The following KIF16B variants were observed in gnomAD, a reference collection of about 807,000 sequenced individuals.
KIF16B encodes the protein kinesin family member 16B.
KIF16B carries 98 observed loss-of-function variants against 156.3 expected under a neutral mutation model. That is an observed-to-expected ratio of 0.63 (90% confidence interval 0.53 to 0.74). The LOEUF is 0.74. KIF16B is among the 30% of genes least tolerant of loss of function. The pLI, the probability that KIF16B is intolerant of heterozygous loss-of-function variation, is 0.00. For synonymous variants in KIF16B, 564 were observed against 583.7 expected (o/e 0.97, Z 0.49); for missense variants, 1,421 against 1,606.5 (o/e 0.88, Z 1.97).
chr20:16,367,954 T>G, intron 22 of KIF16B: 3 of 1,442,578 alleles, frequency 2.1e-6, no homozygotes, highest in Non-Finnish European at 2.7e-6. Context: ...AGGTAGAGCA[T>G]GAAAAATGCT....
At chr20:16,315,364 A>C (rs1018468321) in intron 24 of KIF16B, among the ~76,000 whole-genome samples, 12 of 152,182 alleles carry the variant, frequency 7.9e-5, no homozygotes, top group Non-Finnish European at 1.8e-4. Flanking sequence ...AGAGTTGAAG[A>C]CACCCAAGCC....
intron 1 of KIF16B, among the ~76,000 whole-genome samples, chr20:16,536,730 C>T (rs1300184844): frequency 6.6e-6 from 1 of 152,148 alleles, no homozygotes; most frequent in Non-Finnish European, 1.5e-5. Flanking sequence ...AACTGTCAAA[C>T]TTCCAAATAT....
chr20:16,275,383 T>C (rs945529506), intron 25 of KIF16B, among the ~76,000 whole-genome samples: 123 of 152,326 alleles, frequency 8.1e-4, no homozygotes, highest in African/African-American at 2.6e-3. Flanking sequence ...TTTAAATGTA[T>C]AACTTCATGA....
intron 15 of KIF16B, among the ~76,000 whole-genome samples, chr20:16,416,600 C>T (rs918150374): frequency 2.6e-5 from 4 of 151,858 alleles, no homozygotes; most frequent in African/African-American, 9.7e-5. Context: ...CGGAGACCAT[C>T]AGGAAAAATA....
chr20:16,414,017 G>A (rs1237519886), intron 15 of KIF16B, among the ~76,000 whole-genome samples: 2 of 151,940 alleles, frequency 1.3e-5, no homozygotes, highest in Non-Finnish European at 2.9e-5. Context: ...AATAAGTTAT[G>A]ATGATGATAC....
At chr20:16,418,234 G>A (rs6080252) in intron 15 of KIF16B, among the ~76,000 whole-genome samples, 14,453 of 152,108 alleles carry the variant, frequency 0.095, 888 homozygotes, top group East Asian at 0.37. Context: ...CCAGAAGTCT[G>A]GTGCACCAAG....
At chr20:16,539,084 C>A (rs73101078) in intron 1 of KIF16B, among the ~76,000 whole-genome samples, 10,953 of 151,910 alleles carry the variant, frequency 0.072, 520 homozygotes, top group South Asian at 0.16. Context: ...TATAAATTAC[C>A]CAATCTTAGG....
intron 12 of KIF16B, among the ~76,000 whole-genome samples, chr20:16,439,606 A>G (rs1180574470): frequency 6.6e-6 from 1 of 152,148 alleles, no homozygotes; most frequent in Non-Finnish European, 1.5e-5. Context: ...AAAGACACCA[A>G]TGAGTGAGAT....
chr20:16,444,494 C>T (rs2066882293), intron 12 of KIF16B, among the ~76,000 whole-genome samples: 1 of 152,164 alleles, frequency 6.6e-6, no homozygotes, highest in Non-Finnish European at 1.5e-5. Flanking sequence ...TTACAAATTG[C>T]CTGCTGCTTT....
chr20:16,310,874 C>T (rs1288878861), intron 25 of KIF16B, among the ~76,000 whole-genome samples: 1 of 152,198 alleles, frequency 6.6e-6, no homozygotes, highest in East Asian at 1.9e-4. Flanking sequence ...CGAAACTCCT[C>T]TTTTCTCAGA....
chr20:16,413,732 C>A (rs994444347), intron 15 of KIF16B, among the ~76,000 whole-genome samples: 2 of 149,630 alleles, frequency 1.3e-5, no homozygotes, highest in African/African-American at 4.9e-5. Flanking sequence ...AACATACCCC[C>A]CGCCCTCCAC....
chr20:16,503,292 C>T (rs1356821162), intron 10 of KIF16B, among the ~76,000 whole-genome samples: 2 of 152,172 alleles, frequency 1.3e-5, no homozygotes, highest in Admixed American at 6.5e-5. Flanking sequence ...ATAAGGGCCT[C>T]ATCACGTGGA....
intron 17 of KIF16B, 152 bp downstream of exon 17, chr20:16,404,661 G>A (rs749070616): frequency 1.3e-5 from 8 of 621,470 alleles, no homozygotes; most frequent in Non-Finnish European, 2.3e-5. Context: ...TATATAGTAA[G>A]GGCTGGAAAG....
At chr20:16,276,490 A>C (rs965504357) in intron 25 of KIF16B, among the ~76,000 whole-genome samples, 2 of 152,200 alleles carry the variant, frequency 1.3e-5, no homozygotes, top group African/African-American at 2.4e-5. Flanking sequence ...CGCAAAACAA[A>C]TTTCTGCTTA....
chr20:16,343,766 C>T (rs2064182417), intron 23 of KIF16B, among the ~76,000 whole-genome samples: 1 of 152,110 alleles, frequency 6.6e-6, no homozygotes, highest in Non-Finnish European at 1.5e-5. Flanking sequence ...CTAATTTATA[C>T]TCTCCCAGCT....
At chr20:16,446,302 T>C (rs989047713) in intron 12 of KIF16B, among the ~76,000 whole-genome samples, 2 of 152,214 alleles carry the variant, frequency 1.3e-5, no homozygotes, top group African/African-American at 4.8e-5. Flanking sequence ...CATTAGCTTA[T>C]TCCAACTTTG....
chr20:16,537,474 G>A (rs980893947), intron 1 of KIF16B, among the ~76,000 whole-genome samples: 1 of 151,940 alleles, frequency 6.6e-6, no homozygotes, highest in Non-Finnish European at 1.5e-5. Context: ...CCCAGCCTCT[G>A]GCACATTGCC....
rs557834899 is a variant in KIF16B at position 16,431,856 on chromosome 20, AGT to A, written c.1303-1876_1303-1875del. Among the ~76,000 whole-genome samples, 653 of 147,734 alleles carry A rather than the reference AGT, an allele frequency of 4.4e-3. 3 individuals are homozygous for A. The highest frequency in any genetic ancestry group is 0.022 in the Middle Eastern group (6 of 278). ...ATTTCTCTCCTTGGGAATGGCTATT[AGT>A]GTGTATATATATATATACATATATA... On this transcript the variant is annotated intron_variant, in intron 12 of 25. Coordinates refer to ENST00000354981, the MANE Select transcript of KIF16B (RefSeq NM_024704.5).
At chr20:16,452,679 C>T (rs369417355) in intron 12 of KIF16B, among the ~76,000 whole-genome samples, 3 of 151,628 alleles carry the variant, frequency 2.0e-5, no homozygotes, top group Non-Finnish European at 2.9e-5. Flanking sequence ...ACTAAAAATA[C>T]AAAAAATTAG....
Sources: gnomAD v4.1 joint callset for allele counts (sites outside exome capture counted in the v4.1 genomes callset) on GRCh38, gnomAD v4.1.1 for gene constraint, MANE v1.5 for transcripts, NCBI Gene and HGNC (gene_info 2026-07-23, HGNC 2026-07-21) for gene names.